ELAVL2: variants seen among roughly 807,000 people sequenced by gnomAD.
The protein encoded by ELAVL2 is ELAV-like protein 2.
In ELAVL2, 4 loss-of-function variants were observed where a neutral mutation model predicts 34.6. That is an observed-to-expected ratio of 0.12 (90% CI 0.06 to 0.26). ELAVL2 has a LOEUF of 0.26. Ranked by LOEUF, ELAVL2 falls within the 10% of genes least tolerant of loss-of-function variation. The probability of loss-of-function intolerance (pLI) is 1.00; values close to 1 mark genes in which losing one functional copy is unlikely to be tolerated. For missense variants in ELAVL2, 432 were observed against 442.8 expected, an observed-to-expected ratio of 0.98 and a Z score of 0.22; for synonymous variants, 193 against 154.8, an observed-to-expected ratio of 1.25 and a Z score of -1.83.
At chr9:23,797,663 T>TAC (rs1750769868) in intron 1 of ELAVL2, among the ~76,000 whole-genome samples, 1 of 152,122 alleles carries the variant, frequency 6.6e-6, no homozygotes, top group Non-Finnish European at 1.5e-5. Context: ...CGTGGTGGCT[T>TAC]ACGCCTGTAA....
chr9:23,715,957 T>C (rs1383191768), intron 3 of ELAVL2, among the ~76,000 whole-genome samples: 7 of 152,166 alleles, frequency 4.6e-5, no homozygotes, highest in Non-Finnish European at 1.0e-4. Context: ...CACTTCTTCA[T>C]CCATGATCTG....
At chr9:23,775,429 T>A (rs1436054874) in intron 1 of ELAVL2, among the ~76,000 whole-genome samples, 1 of 152,130 alleles carries the variant, frequency 6.6e-6, no homozygotes, top group Non-Finnish European at 1.5e-5. Flanking sequence ...CAAATGAGAA[T>A]TTCAAAACTT....
At chr9:23,835,071 C>T in the ELAVL2 span, among the ~76,000 whole-genome samples, 3 of 151,902 alleles carry the variant, frequency 2.0e-5, no homozygotes, top group Non-Finnish European at 2.9e-5. Context: ...ATAGTTTTCC[C>T]GGATGTCAGT....
At chr9:23,746,111 T>A (rs2050416273) in intron 2 of ELAVL2, among the ~76,000 whole-genome samples, 1 of 152,146 alleles carries the variant, frequency 6.6e-6, no homozygotes, top group South Asian at 2.1e-4. Context: ...ACTAACAAAG[T>A]GACACAAATA....
chr9:23,834,610 T>C, the ELAVL2 span, among the ~76,000 whole-genome samples: 1 of 152,042 alleles, frequency 6.6e-6, no homozygotes, highest in Non-Finnish European at 1.5e-5. Context: ...TCACATTTAT[T>C]TGATGGAGCC....
intron 1 of ELAVL2, among the ~76,000 whole-genome samples, chr9:23,781,628 C>T (rs953060911): frequency 5.9e-5 from 9 of 151,324 alleles, no homozygotes; most frequent in African/African-American, 7.3e-5. Flanking sequence ...GATCCTCCTA[C>T]CTCAGCCTCT....
rs756279278 is a variant in ELAVL2, at chr9:23,762,129, C to T, written c.106G>A (p.Asp36Asn). 4 of 1,613,474 alleles carry T rather than the reference C, an allele frequency of 2.5e-6. No homozygotes were observed. Among genetic ancestry groups the T allele is most frequent in the Non-Finnish European group, 2.5e-6 (3 of 1,179,634 alleles). ...SSPVDSGNTE[D>N]SKTNLIVNYL... Reference sequence around the variant, plus strand: ...TTGACTATTAAGTTGGTCTTGCTGTCTTCTGTGTTCCCAGAGTCAACTGGT... The same window carrying T: ...TTGACTATTAAGTTGGTCTTGCTGTTTTCTGTGTTCCCAGAGTCAACTGGT... The change falls in exon 2 of 7, where the codon GAC becomes AAC. Residue 36 changes from aspartate (D) to asparagine (N), a missense_variant. By Grantham distance (23) the Asp-to-Asn change is conservative. Around this residue, in one of 3 missense-constraint regions of ELAVL2, gnomAD observed 132 missense variants for 118.3 expected, o/e 1.12. Transcript: ENST00000397312.
intron 1 of ELAVL2, 83 bp from the exon 2 acceptor site, chr9:23,762,332 C>G (rs187334719): frequency 1.7e-5 from 26 of 1,514,026 alleles, no homozygotes; most frequent in Non-Finnish European, 2.1e-5. Context: ...AAACACTTGT[C>G]ACTAAACACA....
At chr9:23,806,757 T>C (rs1488155391) in intron 1 of ELAVL2, among the ~76,000 whole-genome samples, 1 of 152,042 alleles carries the variant, frequency 6.6e-6, no homozygotes, top group African/African-American at 2.4e-5. Context: ...TAAACCAATA[T>C]AAAAAGCTAT....
At chr9:23,807,996 AAT>A (rs749127909) in intron 1 of ELAVL2, among the ~76,000 whole-genome samples, 6 of 152,202 alleles carry the variant, frequency 3.9e-5, no homozygotes, top group Non-Finnish European at 8.8e-5. Context: ...TCTCGTAAAA[AAT>A]ATAAAAAGCC....
At chr9:23,740,792 T>C (rs1264112877) in intron 2 of ELAVL2, among the ~76,000 whole-genome samples, 1 of 152,216 alleles carries the variant, frequency 6.6e-6, no homozygotes, top group Non-Finnish European at 1.5e-5. Flanking sequence ...TGGGCCTTGA[T>C]TTACATACTC....
the ELAVL2 span, among the ~76,000 whole-genome samples, chr9:23,843,966 G>A: frequency 6.6e-6 from 1 of 151,860 alleles, no homozygotes; most frequent in Non-Finnish European, 1.5e-5. Flanking sequence ...CAGAAAACTT[G>A]TTCTCTCTCA....
intron 3 of ELAVL2, among the ~76,000 whole-genome samples, chr9:23,715,060 G>A (rs1464818878): frequency 6.6e-6 from 1 of 152,148 alleles, no homozygotes; most frequent in African/African-American, 2.4e-5. Context: ...TCTAGAGGGA[G>A]GGTTGAAACT....
chr9:23,775,470 C>G (rs946980818), intron 1 of ELAVL2, among the ~76,000 whole-genome samples: 6 of 152,196 alleles, frequency 3.9e-5, no homozygotes, highest in African/African-American at 1.4e-4. Flanking sequence ...AAGTGAGAAA[C>G]TGGGATTTGA....
Position 23,795,351 on chromosome 9 carries a change from G to A in ELAVL2, c.-16+30455C>T, listed in dbSNP as rs145409000. ...CTGAGGTCAGGAGTTCGAGAACAGC[G>A]TGGCCAACATGGTAAAATCCCATCT... is the stretch of plus-strand genomic sequence containing the variant. On this transcript the variant is annotated intron_variant, in intron 1 of 6. Transcript: ENST00000397312. 7.5e-3 allele frequency among the ~76,000 whole-genome samples: 1,134 copies of A among 152,060 alleles called. 4 individuals carry two copies. Among genetic ancestry groups the A allele is most frequent in the Admixed American group, 0.01 (160 of 15,258 alleles).
chr9:23,705,714 G>A (rs1224728317), intron 3 of ELAVL2, among the ~76,000 whole-genome samples: 1 of 152,226 alleles, frequency 6.6e-6, no homozygotes, highest in Non-Finnish European at 1.5e-5. Context: ...GTGCCCTGAT[G>A]AGAATCTAAT....
intron 3 of ELAVL2, among the ~76,000 whole-genome samples, chr9:23,716,025 A>G (rs1444906042): frequency 6.6e-6 from 1 of 152,138 alleles, no homozygotes; most frequent in Non-Finnish European, 1.5e-5. Flanking sequence ...GTAGGTGGAC[A>G]TTATGTAGAA....
intron 4 of ELAVL2, among the ~76,000 whole-genome samples, chr9:23,702,488 T>G (rs2037606593): frequency 6.6e-6 from 1 of 151,692 alleles, no homozygotes; most frequent in South Asian, 2.1e-4. Flanking sequence ...AACAGGCTAG[T>G]GGGGTGACCA....
intron 4 of ELAVL2, among the ~76,000 whole-genome samples, chr9:23,704,151 T>TTTTTTTTTTTTTTTTTTTTTTTTTA (rs1473637219): frequency 1.3e-5 from 2 of 151,728 alleles, no homozygotes; most frequent in Non-Finnish European, 1.5e-5. Flanking sequence ...ACGCTGGTCT[T>TTTTTTTTTTTTTTTTTTTTTTTTTA]GAACTCCCAG....
Sources: gnomAD v4.1 joint callset for allele counts (sites outside exome capture counted in the v4.1 genomes callset) on GRCh38, gnomAD v4.1.1 for gene constraint, gnomAD v4.1.1 regional missense constraint, MANE v1.5 for transcripts, NCBI Gene and HGNC (gene_info 2026-07-23, HGNC 2026-07-21) for gene names.